The following EBF1 variants were observed in gnomAD, a reference collection of about 807,000 sequenced individuals.
The protein encoded by EBF1 is EBF transcription factor 1, also known as transcription factor COE1.
Under a neutral mutation model 68.4 loss-of-function variants are expected in EBF1, and 10 were observed. That is an observed-to-expected ratio of 0.15 (90% confidence interval 0.09 to 0.25). EBF1 has a LOEUF of 0.25. Among genes scored for constraint, EBF1 ranks in the 10% least tolerant of loss-of-function variants. The pLI, the probability that EBF1 is intolerant of heterozygous loss-of-function variation, is 1.00. For synonymous variants in EBF1, 298 were observed against 299.8 expected (o/e 0.99, Z 0.06); for missense variants, 509 against 794.4 (o/e 0.64, Z 4.32).
intron 9 of EBF1, among the ~76,000 whole-genome samples, chr5:158,778,157 G>A (rs868471517): frequency 2.0e-5 from 3 of 152,092 alleles, no homozygotes; most frequent in African/African-American, 4.8e-5. Flanking sequence ...GGGAGGCTGC[G>A]GAATGATCAC....
rs144558122 is a variant in EBF1, at chr5:158,951,122, T to C, written c.555-111012A>G. Reference sequence around the variant, plus strand: ...TGCAATCCCTGAACTCTCTAATTCATGTGGCACTAAATCATACATTACTTT... The same window carrying C: ...TGCAATCCCTGAACTCTCTAATTCACGTGGCACTAAATCATACATTACTTT... On this transcript the variant is annotated intron_variant, in intron 6 of 15. Coordinates refer to ENST00000313708, the MANE Select transcript of EBF1 (RefSeq NM_024007.5). Among the ~76,000 whole-genome samples, 62 of 152,370 alleles carry C rather than the reference T, an allele frequency of 4.1e-4. 1 individual carries two copies. The highest frequency in any genetic ancestry group is 3.4e-3 in the Middle Eastern group (1 of 294).
At chr5:159,041,674 T>C (rs1172990189) in intron 6 of EBF1, among the ~76,000 whole-genome samples, 2 of 152,236 alleles carry the variant, frequency 1.3e-5, no homozygotes. Context: ...TGCATCTAGC[T>C]GTGTGTGATG....
intron 6 of EBF1, among the ~76,000 whole-genome samples, chr5:159,031,178 A>G (rs546075097): frequency 7.2e-4 from 110 of 152,224 alleles, no homozygotes; most frequent in Middle Eastern, 3.4e-3. Context: ...CGTCTCAAAA[A>G]AAAAGAAAAG....
In EBF1 at chr5:159,008,161, A is replaced by C. The variant is rs138679607; in HGVS notation, c.554+65235T>G. Reference sequence around the variant, plus strand: ...TTCTATTGAAACAAGTGGTACCAAAAAAAAGTAAAATAAAATGAGATCACT... The same window carrying C: ...TTCTATTGAAACAAGTGGTACCAAACAAAAGTAAAATAAAATGAGATCACT... On this transcript the variant is annotated intron_variant, in intron 6 of 15. Transcript: ENST00000313708. 3.6e-3 allele frequency among the ~76,000 whole-genome samples: 553 copies of C among 152,354 alleles called. 3 individuals carry two copies. The highest frequency in any genetic ancestry group is 0.012 in the African/African-American group (506 of 41,580).
At chr5:158,938,110 T>C (rs920629546) in intron 6 of EBF1, among the ~76,000 whole-genome samples, 2 of 152,232 alleles carry the variant, frequency 1.3e-5, no homozygotes, top group Non-Finnish European at 2.9e-5. Flanking sequence ...ATTTTTGTTT[T>C]GGTTTTGTTC....
At chr5:158,904,056 A>C (rs1331899070) in intron 6 of EBF1, among the ~76,000 whole-genome samples, 1 of 152,158 alleles carries the variant, frequency 6.6e-6, no homozygotes, top group African/African-American at 2.4e-5. Flanking sequence ...CTGCAAAACC[A>C]AACCCAAGGC....
intron 10 of EBF1, among the ~76,000 whole-genome samples, chr5:158,776,509 A>G (rs1775293392): frequency 6.6e-6 from 1 of 152,154 alleles, no homozygotes; most frequent in Admixed American, 6.6e-5. Context: ...TGTGAAAGCA[A>G]CTTCCGCTCT....
At chr5:158,760,141 T>A (rs1311444521) in intron 10 of EBF1, among the ~76,000 whole-genome samples, 1 of 152,196 alleles carries the variant, frequency 6.6e-6, no homozygotes, top group African/African-American at 2.4e-5. Flanking sequence ...TTATCACAAA[T>A]CAGAAATTCA....
chr5:159,063,713 T>C (rs1776263266), intron 6 of EBF1, among the ~76,000 whole-genome samples: 1 of 152,198 alleles, frequency 6.6e-6, no homozygotes, highest in African/African-American at 2.4e-5. Flanking sequence ...CATGATTAAC[T>C]TCAGTAAGGT....
chr5:158,979,489 T>C (rs978674548), intron 6 of EBF1, among the ~76,000 whole-genome samples: 4 of 152,290 alleles, frequency 2.6e-5, no homozygotes, highest in South Asian at 4.1e-4. Flanking sequence ...GATAGGTTTT[T>C]GCGATGGTAA....
chr5:159,051,754 C>A (rs1773801248), intron 6 of EBF1, among the ~76,000 whole-genome samples: 1 of 152,052 alleles, frequency 6.6e-6, no homozygotes, highest in Non-Finnish European at 1.5e-5. Flanking sequence ...TGGCCTCCAT[C>A]CCAGCCGATC....
intron 6 of EBF1, chr5:159,019,130 C>A (rs530571718): frequency 6.6e-6 from 1 of 152,296 alleles, no homozygotes; most frequent in African/African-American, 2.4e-5. Context: ...ATAATTCCCA[C>A]GACCAGAGAA....
intron 9 of EBF1, among the ~76,000 whole-genome samples, chr5:158,792,150 T>C (rs1262450475): frequency 6.6e-6 from 1 of 152,140 alleles, no homozygotes; most frequent in East Asian, 1.9e-4. Flanking sequence ...GTATATAAAA[T>C]ACTAAAACAA....
At chr5:158,751,262 T>C (rs1768830135) in intron 10 of EBF1, among the ~76,000 whole-genome samples, 1 of 151,920 alleles carries the variant, frequency 6.6e-6, no homozygotes. Context: ...ATATTATTTT[T>C]ATATCTAAGC....
intron 7 of EBF1, among the ~76,000 whole-genome samples, chr5:158,833,297 CA>C (rs56221213): frequency 0.73 from 99,299 of 135,258 alleles, 35,897 homozygotes; most frequent in South Asian, 0.85. Context: ...GACTCCATCT[CA>C]AAAAAAAAAA....
At chr5:159,098,228 G>A (rs1783003506) in intron 1 of EBF1, among the ~76,000 whole-genome samples, 2 of 152,238 alleles carry the variant, frequency 1.3e-5, no homozygotes, top group African/African-American at 4.8e-5. Flanking sequence ...TTTCTCACTT[G>A]GGACCAGGAG....
intron 6 of EBF1, among the ~76,000 whole-genome samples, chr5:158,901,888 C>G (rs1336565678): frequency 1.3e-5 from 2 of 152,070 alleles, no homozygotes; most frequent in African/African-American, 4.8e-5. Flanking sequence ...GCCAGGGGTT[C>G]GAGACCAGCC....
chr5:158,819,582 T>C (rs562263100), intron 8 of EBF1, among the ~76,000 whole-genome samples: 4 of 152,318 alleles, frequency 2.6e-5, no homozygotes, highest in East Asian at 3.9e-4. Context: ...ACAGTCTTCA[T>C]GAACTTGCCC....
At chr5:158,971,836 A>G (rs1301933565) in intron 6 of EBF1, among the ~76,000 whole-genome samples, 1 of 152,218 alleles carries the variant, frequency 6.6e-6, no homozygotes, top group African/African-American at 2.4e-5. Flanking sequence ...AAAAGTGCCG[A>G]GGACCTAAAG....
Sources: gnomAD v4.1 joint callset for allele counts (sites outside exome capture counted in the v4.1 genomes callset) on GRCh38, gnomAD v4.1.1 for gene constraint, MANE v1.5 for transcripts, NCBI Gene and HGNC (gene_info 2026-07-23, HGNC 2026-07-21) for gene names.